VSTM2A: variants seen among roughly 807,000 people sequenced by gnomAD.
VSTM2A encodes the protein V-set and transmembrane domain containing 2A.
In VSTM2A, 13 loss-of-function variants were observed where a neutral mutation model predicts 27.3. The observed-to-expected ratio is 0.48, with a 90% CI of 0.31 to 0.76. VSTM2A has a LOEUF of 0.76. Among genes scored for constraint, VSTM2A ranks in the 30% least tolerant of loss-of-function variants. VSTM2A has a pLI of 0.05. For synonymous variants in VSTM2A, 142 were observed against 125.7 expected, an observed-to-expected ratio of 1.13 and a Z score of -0.87; for missense variants, 280 against 310.0, an observed-to-expected ratio of 0.90 and a Z score of 0.73.
intron 4 of VSTM2A, among the ~76,000 whole-genome samples, chr7:54,552,781 G>T (rs1788234034): frequency 6.6e-6 from 1 of 152,160 alleles, no homozygotes; most frequent in East Asian, 1.9e-4. Context: ...TAGCTATATT[G>T]TACTAGCCTT....
intron 3 of VSTM2A, among the ~76,000 whole-genome samples, chr7:54,548,969 T>G (rs2115804122): frequency 6.6e-6 from 1 of 151,170 alleles, no homozygotes; most frequent in Admixed American, 6.6e-5. Context: ...GAAGAACATA[T>G]GATTATGTAT....
chr7:54,557,456 C>T (rs1301933411), intron 4 of VSTM2A, among the ~76,000 whole-genome samples: 1 of 152,002 alleles, frequency 6.6e-6, no homozygotes, highest in Admixed American at 6.6e-5. Context: ...GCCTCAGCCT[C>T]CTGAGTAGCT....
Position 54,549,951 on chromosome 7 carries a change from G to A in VSTM2A, c.415G>A (p.Glu139Lys), listed in dbSNP as rs761935287. 4 of 1,613,714 alleles carry A rather than the reference G, an allele frequency of 2.5e-6. No homozygotes were observed. The highest frequency in any genetic ancestry group is 3.4e-6 in the Non-Finnish European group (4 of 1,179,786). Residue 139 changes from glutamate to lysine, a missense_variant, in exon 4 of 5, where the codon GAA becomes AAA. By Grantham distance (56) the Glu-to-Lys change is moderately conservative (BLOSUM62 1). Coordinates refer to ENST00000402613, the MANE Select transcript of VSTM2A (RefSeq NM_001301009.2). ...TGATGCCAACTACGGGGAGCTTCAGGAACACAAGGCCCAGGCCTATCTGAA... is the reference window on the plus strand; with the variant it reads ...TGATGCCAACTACGGGGAGCTTCAGAAACACAAGGCCCAGGCCTATCTGAA... ...VTDANYGELQ[E>K]HKAQAYLKVN...
chr7:54,569,286 C>T lies in VSTM2A; in HGVS notation c.*67C>T, dbSNP rs534244852. On this transcript the variant is annotated 3_prime_UTR_variant, in exon 5 of 5. Coordinates refer to ENST00000402613, the MANE Select transcript of VSTM2A (RefSeq NM_001301009.2). ...AGAGGCTATCACATGCTTTGTTGAT[C>T]ATATTTTCTTTGGCAAAACACTGAT... 76 of 1,538,320 alleles carry T rather than the reference C, an allele frequency of 4.9e-5. 1 individual carries two copies. The African/African-American group carries it at 9.8e-4, about 20-fold the overall frequency.
chr7:54,548,839 T>C (rs1304924849), intron 3 of VSTM2A, among the ~76,000 whole-genome samples: 1 of 151,980 alleles, frequency 6.6e-6, no homozygotes, highest in African/African-American at 2.4e-5. Context: ...TTTGAAAGTG[T>C]AGTGGCCATT....
intron 1 of VSTM2A, among the ~76,000 whole-genome samples, chr7:54,544,357 G>A (rs987846427): frequency 2.0e-5 from 3 of 152,168 alleles, no homozygotes; most frequent in African/African-American, 7.2e-5. Context: ...CTACCTGCGG[G>A]GATCTTGGCT....
intron 2 of VSTM2A, among the ~76,000 whole-genome samples, chr7:54,545,052 G>A (rs1162529637): frequency 6.6e-6 from 1 of 152,178 alleles, no homozygotes; most frequent in Non-Finnish European, 1.5e-5. Context: ...TGGTACTTAG[G>A]CAGATGCCCG....
intron 4 of VSTM2A, chr7:54,559,591 A>G (rs1788485003): frequency 6.6e-6 from 1 of 152,176 alleles, no homozygotes; most frequent in South Asian, 2.1e-4. Flanking sequence ...AGGGAAGAGT[A>G]CTCACAAGCC....
chr7:54,555,204 C>T (rs370189857), intron 4 of VSTM2A, among the ~76,000 whole-genome samples: 5 of 152,334 alleles, frequency 3.3e-5, no homozygotes, highest in African/African-American at 7.2e-5. Context: ...ATTGTCAACA[C>T]AGGCCCTCTT....
At chr7:54,548,844 G>A (rs538598486) in intron 3 of VSTM2A, among the ~76,000 whole-genome samples, 2 of 151,816 alleles carry the variant, frequency 1.3e-5, no homozygotes, top group Non-Finnish European at 2.9e-5. Flanking sequence ...AAGTGTAGTG[G>A]CCATTAGCAG....
chr7:54,543,284 G>C (rs915565134), intron 1 of VSTM2A, among the ~76,000 whole-genome samples: 3 of 152,086 alleles, frequency 2.0e-5, no homozygotes, highest in African/African-American at 7.2e-5. Context: ...ACTCCTCTGA[G>C]GACCCATAAA....
At chr7:54,554,121 C>A in intron 4 of VSTM2A, 1 of 1,545,244 alleles carries the variant, frequency 6.5e-7, no homozygotes. Flanking sequence ...ATGCAAGTCA[C>A]TGGTGTCTCC....
Position 54,542,584 on chromosome 7 carries a change from A to G in VSTM2A, c.-147A>G. 1.4e-6 allele frequency: 1 copy of G among 692,298 alleles called. No homozygotes were observed. Among genetic ancestry groups the G allele is most frequent in the Non-Finnish European group, 2.5e-6 (1 of 396,834 alleles). The allele number at this position is 692,298 out of a possible 1,614,324, so 42.9% of individuals were successfully genotyped here. ...TCCAGAATCGCAATCCCTTCTCCCCACAGCCAGCCCTCGCCAAGCAAGCAG... is the reference window on the plus strand; with the variant it reads ...TCCAGAATCGCAATCCCTTCTCCCCGCAGCCAGCCCTCGCCAAGCAAGCAG... On this transcript the variant is annotated 5_prime_UTR_variant, in exon 1 of 5. Coordinates refer to ENST00000402613, the MANE Select transcript of VSTM2A (RefSeq NM_001301009.2).
chr7:54,554,866 C>T (rs144464565), intron 4 of VSTM2A, among the ~76,000 whole-genome samples: 15 of 152,316 alleles, frequency 9.8e-5, no homozygotes, highest in South Asian at 2.1e-4. Flanking sequence ...ACAGACAACA[C>T]GCAGAACAGA....
chr7:54,560,557 A>C (rs1788525674), intron 4 of VSTM2A, among the ~76,000 whole-genome samples: 1 of 152,196 alleles, frequency 6.6e-6, no homozygotes. Flanking sequence ...GAAATCGGAC[A>C]CAGGAAGATT....
At chr7:54,547,826 T>C (rs1788052330) in intron 3 of VSTM2A, among the ~76,000 whole-genome samples, 1 of 152,264 alleles carries the variant, frequency 6.6e-6, no homozygotes, top group South Asian at 2.1e-4. Context: ...ATTTTAAGGC[T>C]CTTACAATAG....
intron 4 of VSTM2A, among the ~76,000 whole-genome samples, chr7:54,556,384 A>G (rs901284630): frequency 1.3e-5 from 2 of 152,224 alleles, no homozygotes; most frequent in African/African-American, 4.8e-5. Flanking sequence ...AAGAGTGGCC[A>G]CTTTCAGCAG....
intron 4 of VSTM2A, chr7:54,550,737 T>G (rs1217465030): frequency 6.5e-6 from 1 of 153,658 alleles, no homozygotes; most frequent in Non-Finnish European, 1.5e-5. Context: ...AACTCCTCTG[T>G]GAATTTGCCT....
chr7:54,563,679 G>T (rs950654), intron 4 of VSTM2A, among the ~76,000 whole-genome samples: 2 of 152,146 alleles, frequency 1.3e-5, no homozygotes, highest in Admixed American at 1.3e-4. Context: ...ACCTGCGTTC[G>T]TGGGCAACTG....
Sources: allele counts gnomAD v4.1 joint callset (sites outside exome capture counted in the v4.1 genomes callset), GRCh38; gene constraint gnomAD v4.1.1; transcripts MANE v1.5; gene names NCBI Gene and HGNC (gene_info 2026-07-23, HGNC 2026-07-21).